Variants in ZNF92 observed in about 807,000 individuals in gnomAD.
ZNF92 encodes the protein zinc finger protein 92.
In ZNF92, 11 loss-of-function variants were observed where a neutral mutation model predicts 12.4. The observed-to-expected ratio is 0.89, with a 90% CI of 0.56 to 1.47. ZNF92 has a LOEUF of 1.47. Among genes scored for constraint, ZNF92 ranks in the 40% most tolerant of loss-of-function variants. The pLI is 0.00. For synonymous variants in ZNF92, 206 were observed against 228.6 expected, an observed-to-expected ratio of 0.90 and a Z score of 0.89; for missense variants, 622 against 681.0, an observed-to-expected ratio of 0.91 and a Z score of 0.96.
intron 3 of ZNF92, among the ~76,000 whole-genome samples, chr7:65,394,430 A>G: frequency 6.6e-6 from 1 of 151,972 alleles, no homozygotes; most frequent in African/African-American, 2.4e-5. Context: ...TGTCAGTACC[A>G]CATTGTTTTT....
Position 65,379,997 on chromosome 7 carries a change from T to A in ZNF92, c.3+5997T>A, listed in dbSNP as rs552646157. On this transcript the variant is annotated intron_variant, in intron 1 of 3. Coordinates refer to ENST00000328747, the MANE Select transcript of ZNF92 (RefSeq NM_152626.4). ...AGCATAGAACCAAATGGGTATTTTT[T>A]TCCTGATCCTCTTTGTCCTGCCACC... Among the ~76,000 whole-genome samples the A allele has an allele frequency of 3.9e-5, 6 of 152,220 alleles. No homozygotes were observed. The South Asian group carries it at 1.2e-3, about 32-fold the overall frequency.
At position 65,400,368 on chromosome 7, in the gene ZNF92, T is replaced by C. The variant is rs1292019478; in HGVS notation, c.*493T>C. ...ACTTTGTTCGACATCAGGGAATTTG[T>C]ATTGGAGAAAAACCCTGCAAATGTA... On this transcript the variant is annotated 3_prime_UTR_variant, in exon 4 of 4. Coordinates refer to ENST00000328747, the MANE Select transcript of ZNF92 (RefSeq NM_152626.4). 2.0e-5 allele frequency: 3 copies of C among 152,108 alleles called. No homozygotes were observed. The highest frequency in any genetic ancestry group is 4.4e-5 in the Non-Finnish European group (3 of 68,014). The allele number at this position is 152,108 out of a possible 1,614,324, so 9.4% of individuals were successfully genotyped here.
chr7:65,387,927 A>AAATAGAAT lies in ZNF92; in HGVS notation c.30_37dup (p.Phe13Ter), dbSNP rs771818564. ...GGACCACTGACATTTAGGGATGTGA[A>AAATAGAAT]AATAGAATTCTCTCTAGAGGAATGG... On this transcript the variant is annotated frameshift_variant, in exon 2 of 4. Transcript: ENST00000328747. LOFTEE classifies it high-confidence loss of function. 7.5e-6 allele frequency: 12 copies of AAATAGAAT among 1,607,462 alleles called. No individual in the cohort carries two copies. The highest frequency in any genetic ancestry group is 1.3e-5 in the African/African-American group (1 of 74,716).
chr7:65,393,899 C>T (rs1489784151), intron 3 of ZNF92, among the ~76,000 whole-genome samples: 1 of 151,118 alleles, frequency 6.6e-6, no homozygotes, highest in African/African-American at 2.4e-5. Flanking sequence ...TTCTTCATTT[C>T]TGTTCTTCAT....
Position 65,399,968 on chromosome 7 carries a change from TA to T in ZNF92, c.*96del. 8.8e-7 allele frequency: 1 copy of T among 1,133,700 alleles called. No individual in the cohort carries two copies. 70.2% of individuals were successfully genotyped at this position (1,133,700 alleles called of 1,614,324 possible). ...AATGTGAGGAATATGACAAGGACTTTAAATGGTTGTCACGCTTGATTGTAGG... is the reference window on the plus strand; with the variant it reads ...AATGTGAGGAATATGACAAGGACTTTAATGGTTGTCACGCTTGATTGTAGG... On this transcript the variant is annotated 3_prime_UTR_variant, in exon 4 of 4. Coordinates refer to ENST00000328747, the MANE Select transcript of ZNF92 (RefSeq NM_152626.4).
rs111277161 is a variant in ZNF92 at position 65,392,827 on chromosome 7, G to A, written c.226+3926G>A. On this transcript the variant is annotated intron_variant, in intron 3 of 3. Coordinates refer to ENST00000328747, the MANE Select transcript of ZNF92 (RefSeq NM_152626.4). ...GCTGGGATTACAGGAGTGAGCCACC[G>A]TGCCCGGCCAGAGCCCAAATGTTTG... Among the ~76,000 whole-genome samples, 1,474 of 152,052 alleles carry A rather than the reference G, an allele frequency of 9.7e-3. 26 individuals carry two copies. Among genetic ancestry groups the A allele is most frequent in the African/African-American group, 0.034 (1,398 of 41,478 alleles).
At chr7:65,381,525 C>T (rs754014822) in intron 1 of ZNF92, among the ~76,000 whole-genome samples, 24 of 151,870 alleles carry the variant, frequency 1.6e-4, no homozygotes, top group Non-Finnish European at 3.2e-4. Flanking sequence ...TGTGAAGATG[C>T]TCTTTAGTTT....
Position 65,399,908 on chromosome 7 carries a change from A to G in ZNF92, c.*33A>G. ...GACAATGATTTTCACTACACCTCAA[A>G]CTTTTCTAAACATAAACCATATTGG... On this transcript the variant is annotated 3_prime_UTR_variant, in exon 4 of 4. Coordinates refer to ENST00000328747, the MANE Select transcript of ZNF92 (RefSeq NM_152626.4). 3 of 1,510,752 alleles carry G rather than the reference A, an allele frequency of 2.0e-6. No individual in the cohort carries two copies. The highest frequency in any genetic ancestry group is 2.7e-6 in the Non-Finnish European group (3 of 1,127,590). 93.6% of individuals were successfully genotyped at this position (1,510,752 alleles called of 1,614,324 possible). A position where few individuals can be genotyped will look rare whatever the true frequency, so the allele number is the denominator to read the frequency against.
chr7:65,387,114 T>G (rs562178236), intron 1 of ZNF92, among the ~76,000 whole-genome samples: 3,528 of 151,964 alleles, frequency 0.023, 81 homozygotes, highest in Non-Finnish European at 0.035. Context: ...TAATTTTTTG[T>G]ATTTTTAGTA....
In ZNF92 at chr7:65,381,304, C is replaced by T. The variant is rs1410374524; in HGVS notation, c.4-6598C>T. 2.0e-5 allele frequency among the ~76,000 whole-genome samples: 3 copies of T among 152,208 alleles called. 1 individual carries two copies. In the South Asian group the frequency reaches 6.2e-4, roughly 32 times the overall value. On this transcript the variant is annotated intron_variant, in intron 1 of 3. Transcript: ENST00000328747. ...CTAGGATTACAGGTGTGAGGCACCA[C>T]ACCCACCTGCTTTCTCTTGAAAAGC...
chr7:65,388,727 C>A, intron 2 of ZNF92, 79 bp from the exon 3 acceptor site: 1 of 1,122,150 alleles, frequency 8.9e-7, no homozygotes, highest in Non-Finnish European at 1.2e-6. Context: ...TCTATTGCAT[C>A]CTCTTTACTG....
chr7:65,390,280 A>AT (rs1232101348), intron 3 of ZNF92, among the ~76,000 whole-genome samples: 8 of 152,028 alleles, frequency 5.3e-5, no homozygotes, highest in Non-Finnish European at 1.2e-4. Context: ...GGCTTTTTAA[A>AT]TTTTTTAAAT....
chr7:65,378,542 A>T (rs1158920126), intron 1 of ZNF92, among the ~76,000 whole-genome samples: 1 of 151,822 alleles, frequency 6.6e-6, no homozygotes, highest in Non-Finnish European at 1.5e-5. Flanking sequence ...GAAGACCGAG[A>T]CCATCCTGGC....
chr7:65,391,466 A>G (rs565620875), intron 3 of ZNF92, among the ~76,000 whole-genome samples: 1 of 152,244 alleles, frequency 6.6e-6, no homozygotes, highest in East Asian at 1.9e-4. Flanking sequence ...AAATTAGATA[A>G]TTTACTCCAT....
Position 65,388,791 on chromosome 7 carries a change from T to A in ZNF92, c.131-15T>A, listed in dbSNP as rs746856351. The A allele has an allele frequency of 6.4e-7, 1 of 1,562,366 alleles. No individual in the cohort carries two copies. Among genetic ancestry groups the A allele is most frequent in the Non-Finnish European group, 8.7e-7 (1 of 1,148,708 alleles). ...ATATGAGCAAGATTTATGTTATTTATTTTTAATAAAACAGGTATTGCTGTC... is the reference window on the plus strand; with the variant it reads ...ATATGAGCAAGATTTATGTTATTTAATTTTAATAAAACAGGTATTGCTGTC... On this transcript the variant is annotated splice_polypyrimidine_tract_variant and intron_variant, in intron 2 of 3. Transcript: ENST00000328747.
intron 3 of ZNF92, among the ~76,000 whole-genome samples, chr7:65,394,194 G>T (rs568900110): frequency 6.6e-6 from 1 of 151,684 alleles, no homozygotes; most frequent in East Asian, 1.9e-4. Context: ...AGATTTGTTA[G>T]TTTTTTTTAT....
At chr7:65,378,733 C>G (rs1028549966) in intron 1 of ZNF92, among the ~76,000 whole-genome samples, 6 of 130,142 alleles carry the variant, frequency 4.6e-5, no homozygotes, top group Non-Finnish European at 8.6e-5. Context: ...CAGAGCAAGA[C>G]TCCGTCTCAA....
intron 1 of ZNF92, among the ~76,000 whole-genome samples, chr7:65,377,931 A>G (rs1272909980): frequency 6.6e-6 from 1 of 152,188 alleles, no homozygotes; most frequent in Non-Finnish European, 1.5e-5. Context: ...CCAAAGGAGT[A>G]TTGCAACAGG....
chr7:65,399,445 A>G lies in ZNF92; in HGVS notation c.1331A>G (p.Lys444Arg), dbSNP rs377626502. The change falls in exon 4 of 4, where the codon AAG (lysine) becomes AGG (arginine). Residue 444 changes from lysine to arginine, a missense_variant. By Grantham distance (26) the Lys-to-Arg change is conservative. Coordinates refer to ENST00000328747, the MANE Select transcript of ZNF92 (RefSeq NM_152626.4). ...FSWSSAFTKH[K>R]RNHMEDKPYK... Reference sequence around the variant, plus strand: ...TGGTCCTCAGCTTTTACTAAACATAAGAGAAATCATATGGAAGATAAACCC... The same window carrying G: ...TGGTCCTCAGCTTTTACTAAACATAGGAGAAATCATATGGAAGATAAACCC... The G allele has an allele frequency of 1.2e-6, 2 of 1,613,700 alleles. No homozygotes were observed. The highest frequency in any genetic ancestry group is 1.7e-6 in the Non-Finnish European group (2 of 1,179,832).
Sources: allele counts gnomAD v4.1 joint callset (sites outside exome capture counted in the v4.1 genomes callset), GRCh38; gene constraint gnomAD v4.1.1; transcripts MANE v1.5; gene names NCBI Gene and HGNC (gene_info 2026-07-23, HGNC 2026-07-21).